GRIP1: variants seen among roughly 807,000 people sequenced by gnomAD.
GRIP1 encodes glutamate receptor-interacting protein 1.
A neutral mutation model predicts 129.9 loss-of-function variants in GRIP1; 45 were observed. That is an observed-to-expected ratio of 0.35 (90% CI 0.27 to 0.44). The LOEUF (loss-of-function observed/expected upper bound fraction) is 0.44. Among genes scored for constraint, GRIP1 ranks in the 20% least tolerant of loss-of-function variants. The pLI, the probability that GRIP1 is intolerant of heterozygous loss-of-function variation, is 1.00. For synonymous variants in GRIP1, 530 were observed against 520.8 expected (o/e 1.02, Z -0.24); for missense variants, 1,196 against 1,396.8 (o/e 0.86, Z 2.29).
rs2042985952 is a variant in GRIP1 at position 67,029,324 on chromosome 12, G to C, written c.58+39726C>G. ...AGATGAGGTTTTGCCTCATTGCCCA[G>C]GCTAGTCTTGAACTCCTGGGCTCAA... On this transcript the variant is annotated intron_variant, in intron 1 of 1. Coordinates refer to the GRIP1 transcript ENST00000643019. Among the ~76,000 whole-genome samples the C allele has an allele frequency of 3.3e-5, 5 of 152,050 alleles. No homozygotes were observed. The South Asian group carries it at 1.0e-3, about 32-fold the overall frequency.
chr12:66,843,242 T>C (rs1164735499), intron 1 of GRIP1, among the ~76,000 whole-genome samples: 1 of 152,042 alleles, frequency 6.6e-6, no homozygotes, highest in African/African-American at 2.4e-5. Flanking sequence ...TAGAAATAAA[T>C]GTAACCACTT....
intron 1 of GRIP1, among the ~76,000 whole-genome samples, chr12:66,822,439 T>C (rs561807870): frequency 6.6e-6 from 1 of 152,322 alleles, no homozygotes; most frequent in African/African-American, 2.4e-5. Context: ...GGAAGCAGTT[T>C]GGAGATTTCT....
intron 1 of GRIP1, among the ~76,000 whole-genome samples, chr12:66,994,741 C>T (rs1040015597): frequency 1.1e-4 from 16 of 151,888 alleles, no homozygotes; most frequent in African/African-American, 3.1e-4. Context: ...AAACAGAAGA[C>T]TTAATATTGT....
chr12:66,847,400 A>G (rs2039836919), intron 1 of GRIP1, among the ~76,000 whole-genome samples: 2 of 152,200 alleles, frequency 1.3e-5, no homozygotes, highest in South Asian at 4.2e-4. Context: ...ATAATTTGTT[A>G]TTTACTTCAC....
intron 1 of GRIP1, among the ~76,000 whole-genome samples, chr12:67,041,145 A>G (rs2043171136): frequency 6.6e-6 from 1 of 151,794 alleles, no homozygotes; most frequent in Admixed American, 6.6e-5. Flanking sequence ...CTTAAAATCA[A>G]TCTCTCTCTT....
At chr12:66,551,661 C>T (rs528107704) in intron 2 of GRIP1, among the ~76,000 whole-genome samples, 1 of 140,490 alleles carries the variant, frequency 7.1e-6, no homozygotes, top group East Asian at 2.4e-4. Flanking sequence ...ACAGTCTTAA[C>T]TTATTGGGCT....
intron 1 of GRIP1, among the ~76,000 whole-genome samples, chr12:66,676,056 A>G (rs2136256136): frequency 6.6e-6 from 1 of 152,298 alleles, no homozygotes; most frequent in South Asian, 2.1e-4. Flanking sequence ...TTGTCTAGAA[A>G]TACATGTTTT....
intron 1 of GRIP1, among the ~76,000 whole-genome samples, chr12:66,782,378 T>C (rs11176425): frequency 0.05 from 7,664 of 152,212 alleles, 306 homozygotes; most frequent in African/African-American, 0.11. Flanking sequence ...ATTTTCTTCT[T>C]AACACCTTTC....
At chr12:66,857,203 T>C (rs1361498430) in intron 1 of GRIP1, among the ~76,000 whole-genome samples, 4 of 135,196 alleles carry the variant, frequency 3.0e-5, no homozygotes, top group Admixed American at 7.9e-5. Flanking sequence ...AAGAGGAACA[T>C]CACACACCGG....
chr12:66,636,318 C>G (rs953563148), intron 1 of GRIP1, among the ~76,000 whole-genome samples: 7 of 152,028 alleles, frequency 4.6e-5, no homozygotes, highest in African/African-American at 1.4e-4. Flanking sequence ...AAAAAAAGGT[C>G]TGGAAATAGA....
At chr12:66,616,834 A>G (rs963938993) in intron 1 of GRIP1, among the ~76,000 whole-genome samples, 8 of 152,108 alleles carry the variant, frequency 5.3e-5, no homozygotes, top group Admixed American at 2.0e-4. Flanking sequence ...TTTGAGATTC[A>G]CAGTGACTGT....
chr12:66,975,080 A>C (rs1252795749), intron 1 of GRIP1, among the ~76,000 whole-genome samples: 1 of 151,970 alleles, frequency 6.6e-6, no homozygotes, highest in African/African-American at 2.4e-5. Context: ...TTTTATATGG[A>C]TTTGGGGTCA....
At chr12:66,650,093 CA>C (rs1302026635) in intron 1 of GRIP1, among the ~76,000 whole-genome samples, 1 of 152,150 alleles carries the variant, frequency 6.6e-6, no homozygotes, top group African/African-American at 2.4e-5. Context: ...ATGAAGCCAG[CA>C]CCGTCTCCAC....
At chr12:66,523,553 T>C (rs1327119303) in intron 5 of GRIP1, among the ~76,000 whole-genome samples, 2 of 151,762 alleles carry the variant, frequency 1.3e-5, no homozygotes, top group East Asian at 1.9e-4. Context: ...AAGGAACAAC[T>C]GGTACCAGCC....
chr12:66,657,189 A>G (rs17102788), intron 1 of GRIP1, among the ~76,000 whole-genome samples: 4,352 of 152,274 alleles, frequency 0.029, 202 homozygotes, highest in African/African-American at 0.098. Context: ...TCTCTAAATG[A>G]CAATTTATCA....
At chr12:66,398,615 C>T (rs932790046) in intron 16 of GRIP1, among the ~76,000 whole-genome samples, 13 of 151,980 alleles carry the variant, frequency 8.6e-5, no homozygotes, top group African/African-American at 2.7e-4. Context: ...AGCTTCTGTG[C>T]ATTCTTCTGA....
chr12:66,831,223 G>A (rs1025355578), intron 1 of GRIP1, among the ~76,000 whole-genome samples: 7 of 152,156 alleles, frequency 4.6e-5, no homozygotes, highest in Admixed American at 2.0e-4. Context: ...CCAGCTACAC[G>A]GCTATGTAGA....
chr12:66,775,344 G>A (rs144818586), intron 1 of GRIP1, among the ~76,000 whole-genome samples: 37 of 152,300 alleles, frequency 2.4e-4, no homozygotes, highest in African/African-American at 8.7e-4. Context: ...TAAAATACAC[G>A]TGAGAGGAGT....
chr12:66,886,253 G>A (rs1161176015), intron 1 of GRIP1, among the ~76,000 whole-genome samples: 1 of 152,024 alleles, frequency 6.6e-6, no homozygotes, highest in Non-Finnish European at 1.5e-5. Flanking sequence ...GTGACAGAGT[G>A]AGACCATGTC....
Sources: gnomAD v4.1 joint callset for allele counts (sites outside exome capture counted in the v4.1 genomes callset) on GRCh38, gnomAD v4.1.1 for gene constraint, MANE v1.5 for transcripts, NCBI Gene and HGNC (gene_info 2026-07-23, HGNC 2026-07-21) for gene names.